The following ACOXL variants were observed in gnomAD, a reference collection of about 807,000 sequenced individuals.
The protein encoded by ACOXL is acyl-coenzyme A oxidase-like protein.
ACOXL carries 70 observed loss-of-function variants against 71.9 expected under a neutral mutation model. The ratio of observed to expected loss-of-function variants is 0.97; its 90% confidence interval spans 0.80 to 1.19. The LOEUF (loss-of-function observed/expected upper bound fraction) is 1.19, where lower values mean the gene tolerates loss of function less well. ACOXL is among the 50% of genes most tolerant of loss of function. The pLI is 0.00. For missense variants in ACOXL, 703 were observed against 736.3 expected (o/e 0.95, Z 0.52); for synonymous variants, 253 against 281.6 (o/e 0.90, Z 1.02).
rs2150102701 is a variant in ACOXL at position 111,118,411 on chromosome 2, C to T, written c.*595C>T. Among the ~76,000 whole-genome samples, 1 of 152,342 alleles carries T rather than the reference C, an allele frequency of 6.6e-6. No individual in the cohort carries two copies. Among genetic ancestry groups the T allele is most frequent in the African/African-American group, 2.4e-5 (1 of 41,582 alleles). ...AGTTTTGCTCTCGGCAAAACAAGAA[C>T]TCGGCTTGTCCTCCCAGGCCGGCGG... On this transcript the variant is annotated 3_prime_UTR_variant, in exon 18 of 18. Transcript: ENST00000439055.
chr2:110,752,765 TACTGATATGTAACAAATTACTCCA>T (rs1187359044), intron 1 of ACOXL, among the ~76,000 whole-genome samples: 2 of 152,104 alleles, frequency 1.3e-5, no homozygotes, highest in African/African-American at 4.8e-5. Context: ...ATTAGCTATC[TACTGATATGTAACAAATTACTCCA>T]AAATTTAGCA....
rs1386487014 is a variant in ACOXL at position 111,117,652 on chromosome 2, C to T, written c.1579C>T (p.Arg527Trp). The T allele has an allele frequency of 3.9e-6, 6 of 1,551,646 alleles. No homozygotes were observed. The highest frequency in any genetic ancestry group is 5.2e-6 in the Non-Finnish European group (6 of 1,147,022). ...GTGCGACTCGGTGAAGGATGATGCC[C>T]GGAGGGTGATCTCGACCTTTAACAT... ...DLCDSVKDDARRVISTFNIPH... is the reference protein window; with the variant it reads ...DLCDSVKDDAWRVISTFNIPH... The change falls in exon 18 of 18, where the codon CGG becomes TGG. Residue 527 changes from arginine to tryptophan, a missense_variant. By Grantham distance (101) the Arg-to-Trp change is moderately radical. Transcript: ENST00000439055.
chr2:111,040,342 C>T (rs2065720644), intron 15 of ACOXL, among the ~76,000 whole-genome samples: 1 of 152,230 alleles, frequency 6.6e-6, no homozygotes. Context: ...CCTACTGCTG[C>T]ATGAAAAATA....
chr2:111,025,807 G>A (rs112061355), intron 14 of ACOXL, among the ~76,000 whole-genome samples: 3 of 152,128 alleles, frequency 2.0e-5, no homozygotes, highest in Non-Finnish European at 4.4e-5. Context: ...CAAAATTTGT[G>A]TCTTATCTCA....
chr2:110,955,441 TC>T (rs2061463681), intron 12 of ACOXL, among the ~76,000 whole-genome samples: 1 of 150,606 alleles, frequency 6.6e-6, no homozygotes, highest in African/African-American at 2.4e-5. Flanking sequence ...TCTCTCTCTC[TC>T]TCTCTCTCTC....
intron 16 of ACOXL, among the ~76,000 whole-genome samples, chr2:111,053,805 C>A (rs2066408718): frequency 6.6e-6 from 1 of 152,246 alleles, no homozygotes; most frequent in African/African-American, 2.4e-5. Context: ...CTCCATGGGA[C>A]TAAAACTTCC....
chr2:111,048,338 G>A (rs948136231), intron 15 of ACOXL, among the ~76,000 whole-genome samples: 3 of 152,246 alleles, frequency 2.0e-5, no homozygotes, highest in Non-Finnish European at 2.9e-5. Context: ...AAGAGTGAAC[G>A]CAGCTTTGAG....
At chr2:111,047,058 T>C (rs1400230101) in intron 15 of ACOXL, among the ~76,000 whole-genome samples, 3 of 151,890 alleles carry the variant, frequency 2.0e-5, no homozygotes, top group Non-Finnish European at 4.4e-5. Context: ...CGTACAAGAG[T>C]CAGCAGGCAT....
chr2:110,840,449 TAAG>T (rs1691022713), intron 9 of ACOXL, among the ~76,000 whole-genome samples: 3 of 152,212 alleles, frequency 2.0e-5, no homozygotes, highest in African/African-American at 7.2e-5. Flanking sequence ...CACACAGAGA[TAAG>T]AACACACAAA....
intron 10 of ACOXL, among the ~76,000 whole-genome samples, chr2:110,867,904 A>G (rs1189009076): frequency 6.6e-6 from 1 of 152,084 alleles, no homozygotes; most frequent in Non-Finnish European, 1.5e-5. Context: ...CTGGGATTAC[A>G]GGTGCCCACC....
intron 1 of ACOXL, among the ~76,000 whole-genome samples, chr2:110,738,048 A>G (rs1573264646): frequency 6.6e-6 from 1 of 152,212 alleles, no homozygotes; most frequent in Non-Finnish European, 1.5e-5. Context: ...AGAGACTGGG[A>G]CCTTCCACTT....
chr2:110,827,622 G>T (rs1689318710), intron 9 of ACOXL, among the ~76,000 whole-genome samples: 1 of 152,172 alleles, frequency 6.6e-6, no homozygotes, highest in Admixed American at 6.5e-5. Flanking sequence ...TCCTTAAGAA[G>T]CTCTTGCTGA....
chr2:110,808,174 G>T (rs1262887298), intron 9 of ACOXL, among the ~76,000 whole-genome samples: 3 of 152,186 alleles, frequency 2.0e-5, no homozygotes, highest in African/African-American at 7.2e-5. Context: ...GTGCTGGGAG[G>T]CTGGGAAACC....
chr2:111,011,750 G>T (rs2064169794), intron 14 of ACOXL, among the ~76,000 whole-genome samples: 1 of 151,984 alleles, frequency 6.6e-6, no homozygotes, highest in South Asian at 2.1e-4. Context: ...GGGTGTGGTG[G>T]TAACACAGCT....
At chr2:111,024,232 A>G (rs1326262342) in intron 14 of ACOXL, among the ~76,000 whole-genome samples, 1 of 152,142 alleles carries the variant, frequency 6.6e-6, no homozygotes, top group African/African-American at 2.4e-5. Flanking sequence ...TGTCCTTGAA[A>G]AAGATATGTT....
intron 1 of ACOXL, among the ~76,000 whole-genome samples, chr2:110,756,888 T>C (rs570556780): frequency 6.6e-6 from 1 of 152,152 alleles, no homozygotes; most frequent in African/African-American, 2.4e-5. Flanking sequence ...TTGCCCCTTT[T>C]ATTTTTTCTT....
intron 12 of ACOXL, among the ~76,000 whole-genome samples, chr2:110,986,665 AGATAGAGATTGAAGTAGAG>A (rs2062947487): frequency 6.6e-6 from 1 of 152,226 alleles, no homozygotes; most frequent in Non-Finnish European, 1.5e-5. Context: ...CTGAAGTAGA[AGATAGAGATTGAAGTAGAG>A]GATAGAGATT....
At chr2:110,867,309 C>T (rs983678533) in intron 10 of ACOXL, among the ~76,000 whole-genome samples, 1 of 152,018 alleles carries the variant, frequency 6.6e-6, no homozygotes, top group Non-Finnish European at 1.5e-5. Context: ...GAGGAAGAGG[C>T]CTGGGGGTGT....
intron 14 of ACOXL, among the ~76,000 whole-genome samples, chr2:111,012,270 A>G (rs943473396): frequency 2.6e-5 from 4 of 152,246 alleles, no homozygotes; most frequent in African/African-American, 9.6e-5. Context: ...TTTAGCAATA[A>G]ATAATTTTTT....
Sources: allele counts gnomAD v4.1 joint callset (sites outside exome capture counted in the v4.1 genomes callset), GRCh38; gene constraint gnomAD v4.1.1; transcripts MANE v1.5; gene names NCBI Gene and HGNC (gene_info 2026-07-23, HGNC 2026-07-21).